COP1: variants seen among roughly 807,000 people sequenced by gnomAD.
COP1 encodes E3 ubiquitin-protein ligase COP1.
In COP1, 24 loss-of-function variants were observed where a neutral mutation model predicts 101.3. The observed-to-expected ratio is 0.24, with a 90% CI of 0.17 to 0.33. The LOEUF is 0.33. Ranked by LOEUF, COP1 falls within the 10% of genes least tolerant of loss-of-function variation. The probability of loss-of-function intolerance (pLI) is 1.00; values close to 1 mark genes in which losing one functional copy is unlikely to be tolerated. For synonymous variants in COP1, 347 were observed against 341.9 expected, an observed-to-expected ratio of 1.01 and a Z score of -0.17; for missense variants, 663 against 906.2, an observed-to-expected ratio of 0.73 and a Z score of 3.45.
At chr1:176,085,680 C>T (rs1043057267) in intron 10 of COP1, 96 bp downstream of exon 10, 3 of 598,332 alleles carry the variant, frequency 5.0e-6, no homozygotes, top group South Asian at 6.9e-5. Context: ...CATACTTTTG[C>T]TTTGCAATTA....
At chr1:176,202,811 T>C (rs900124620) in intron 1 of COP1, among the ~76,000 whole-genome samples, 2 of 152,056 alleles carry the variant, frequency 1.3e-5, no homozygotes, top group African/African-American at 2.4e-5. Flanking sequence ...ACATCTGCCA[T>C]GGCACTAAGA....
intron 1 of COP1, among the ~76,000 whole-genome samples, chr1:176,186,737 G>A (rs1471692701): frequency 6.6e-6 from 1 of 152,146 alleles, no homozygotes; most frequent in Non-Finnish European, 1.5e-5. Context: ...TGTAGAAATG[G>A]TTACGGAAGC....
intron 15 of COP1, among the ~76,000 whole-genome samples, chr1:176,013,196 A>G (rs1451872792): frequency 6.6e-6 from 1 of 152,148 alleles, no homozygotes; most frequent in Non-Finnish European, 1.5e-5. Context: ...ATACTTTTCT[A>G]AATGTTTTTG....
intron 9 of COP1, among the ~76,000 whole-genome samples, chr1:176,105,303 T>TAC (rs1684119927): frequency 6.6e-6 from 1 of 152,016 alleles, no homozygotes; most frequent in Non-Finnish European, 1.5e-5. Context: ...TGGGGTGAAA[T>TAC]ACAAATAGAA....
At chr1:176,008,011 G>A (rs959907141) in intron 15 of COP1, among the ~76,000 whole-genome samples, 2 of 152,168 alleles carry the variant, frequency 1.3e-5, no homozygotes, top group Admixed American at 1.3e-4. Context: ...GTGGGCGTAG[G>A]ACCCTCGGAG....
chr1:176,183,239 A>C (rs1698011002), intron 2 of COP1, among the ~76,000 whole-genome samples: 1 of 152,234 alleles, frequency 6.6e-6, no homozygotes, highest in Admixed American at 6.5e-5. Flanking sequence ...TGATGAAGGG[A>C]TATAAATCTG....
chr1:176,070,539 G>GT (rs1254581783), intron 11 of COP1, among the ~76,000 whole-genome samples: 2 of 152,028 alleles, frequency 1.3e-5, no homozygotes, highest in Non-Finnish European at 2.9e-5. Context: ...GCACTTGCCT[G>GT]TAATCCCAGC....
At chr1:176,203,163 C>G (rs970009765) in intron 1 of COP1, among the ~76,000 whole-genome samples, 4 of 151,812 alleles carry the variant, frequency 2.6e-5, no homozygotes, top group African/African-American at 9.7e-5. Flanking sequence ...CAGTGAAACC[C>G]CGCCTCTACT....
intron 15 of COP1, among the ~76,000 whole-genome samples, chr1:176,000,637 A>T (rs188764428): frequency 7.5e-4 from 114 of 152,170 alleles, no homozygotes; most frequent in Middle Eastern, 6.8e-3. Context: ...AAATATTTTT[A>T]AAAAAATGAA....
chr1:176,002,037 G>A (rs975286653), intron 15 of COP1, among the ~76,000 whole-genome samples: 3 of 152,092 alleles, frequency 2.0e-5, no homozygotes, highest in South Asian at 2.1e-4. Context: ...TTCTCTTCCC[G>A]CCTTTCAAGA....
chr1:176,074,498 AC>A (rs1165352216), intron 11 of COP1, among the ~76,000 whole-genome samples: 1 of 152,172 alleles, frequency 6.6e-6, no homozygotes, highest in East Asian at 1.9e-4. Context: ...TAGAAAAAAA[AC>A]GAATGTAGCA....
At position 175,948,557 on chromosome 1, in the gene COP1, G is replaced by T. The variant is rs143381146; in HGVS notation, c.2134-1318C>A. 3.0e-4 allele frequency among the ~76,000 whole-genome samples: 46 copies of T among 152,340 alleles called. No homozygotes were observed. The East Asian group carries it at 8.1e-3, about 27-fold the overall frequency. On this transcript the variant is annotated intron_variant, in intron 18 of 19. Coordinates refer to ENST00000367669, the MANE Select transcript of COP1 (RefSeq NM_022457.7). ...AGAAAAGTTACTTCAGCTAAGCTGAGTTAAACTTTAGTTTCTTTGACATAT... is the reference window on the plus strand; with the variant it reads ...AGAAAAGTTACTTCAGCTAAGCTGATTTAAACTTTAGTTTCTTTGACATAT...
chr1:176,117,990 G>A (rs1686493163), intron 8 of COP1, among the ~76,000 whole-genome samples: 1 of 152,122 alleles, frequency 6.6e-6, no homozygotes, highest in Non-Finnish European at 1.5e-5. Context: ...TAATTAGAAT[G>A]GTTCTATATG....
At position 176,081,294 on chromosome 1, in the gene COP1, G is replaced by GAAAAAA; in HGVS notation, c.1142-13_1142-8dup. ...CTTGCAGTTCGACTGTCATCTATAT[G>GAAAAAA]AAAAAAAAAAAAAAAAGACAAAACA... On this transcript the variant is annotated splice_region_variant and splice_polypyrimidine_tract_variant and intron_variant, in intron 10 of 19. Coordinates refer to ENST00000367669, the MANE Select transcript of COP1 (RefSeq NM_022457.7). 2 of 1,283,238 alleles carry GAAAAAA rather than the reference G, an allele frequency of 1.6e-6. No homozygotes were observed. The highest frequency in any genetic ancestry group is 1.0e-6 in the Non-Finnish European group (1 of 976,834). The allele number at this position is 1,283,238 out of a possible 1,614,324, so 79.5% of individuals were successfully genotyped here.
At chr1:176,141,280 T>A (rs1482317779) in intron 6 of COP1, among the ~76,000 whole-genome samples, 3 of 152,158 alleles carry the variant, frequency 2.0e-5, no homozygotes, top group Non-Finnish European at 4.4e-5. Context: ...GGCGGGCAGA[T>A]CACCTAAGGT....
At chr1:176,133,756 G>A in intron 8 of COP1, 1 of 405,460 alleles carries the variant, frequency 2.5e-6, no homozygotes, top group Non-Finnish European at 4.9e-6. Context: ...ATTTGCTACT[G>A]TTAAACAGAG....
intron 5 of COP1, among the ~76,000 whole-genome samples, chr1:176,157,800 A>G (rs565848086): frequency 6.6e-6 from 1 of 152,314 alleles, no homozygotes; most frequent in African/African-American, 2.4e-5. Flanking sequence ...AATATATCCT[A>G]CAATAAGGGA....
chr1:176,143,135 A>AGAGAGAGAGAGC (rs1270316437), intron 6 of COP1, among the ~76,000 whole-genome samples: 2 of 149,084 alleles, frequency 1.3e-5, no homozygotes, highest in Non-Finnish European at 2.9e-5. Context: ...AGAGAGAGAG[A>AGAGAGAGAGAGC]GAGCGAGAGA....
At position 176,206,984 on chromosome 1, in the gene COP1, C is replaced by T. The variant is rs756355079; in HGVS notation, c.-6G>A. On this transcript the variant is annotated 5_prime_UTR_variant, in exon 1 of 20. Coordinates refer to ENST00000367669, the MANE Select transcript of COP1 (RefSeq NM_022457.7). ...GCCTGGCGGCTACCAGACATCGTGA[C>T]TCCCTCCCCTCCAGCCGGGCGCTCG... 9 of 1,371,108 alleles carry T rather than the reference C, an allele frequency of 6.6e-6. No homozygotes were observed. The South Asian group carries it at 1.5e-4, about 22-fold the overall frequency. The allele number at this position is 1,371,108 out of a possible 1,614,324, so 84.9% of individuals were successfully genotyped here.
Sources: gnomAD v4.1 joint callset for allele counts (sites outside exome capture counted in the v4.1 genomes callset) on GRCh38, gnomAD v4.1.1 for gene constraint, MANE v1.5 for transcripts, NCBI Gene and HGNC (gene_info 2026-07-23, HGNC 2026-07-21) for gene names.